Variants in ADAM20 observed in about 807,000 individuals in gnomAD.
The protein encoded by ADAM20 is disintegrin and metalloproteinase domain-containing protein 20.
For missense variants in ADAM20, 871 were observed against 883.2 expected (o/e 0.99, Z 0.18); for synonymous variants, 305 against 310.2 (o/e 0.98, Z 0.18).
At chr14:70,530,531 T>C (rs1296658761) in intron 1 of ADAM20, among the ~76,000 whole-genome samples, 1 of 152,234 alleles carries the variant, frequency 6.6e-6, no homozygotes, top group Non-Finnish European at 1.5e-5. Flanking sequence ...TTTTATATGA[T>C]TGGTAATGCA....
the ADAM20 span, among the ~76,000 whole-genome samples, chr14:70,574,167 C>A: frequency 6.6e-6 from 1 of 151,972 alleles, no homozygotes; most frequent in Non-Finnish European, 1.5e-5. Context: ...TTATATGAAA[C>A]TAGAAATCAA....
chr14:70,560,055 A>C, the ADAM20 span, among the ~76,000 whole-genome samples: 1 of 152,184 alleles, frequency 6.6e-6, no homozygotes, highest in Non-Finnish European at 1.5e-5. Flanking sequence ...CATTCTCAAA[A>C]TATGTTTTCA....
At chr14:70,560,458 A>G in the ADAM20 span, among the ~76,000 whole-genome samples, 3 of 152,228 alleles carry the variant, frequency 2.0e-5, no homozygotes, top group Non-Finnish European at 4.4e-5. Context: ...CTTATTCACA[A>G]TATCAACTAA....
the ADAM20 span, among the ~76,000 whole-genome samples, chr14:70,554,685 AG>A: frequency 6.6e-6 from 1 of 152,244 alleles, no homozygotes; most frequent in Non-Finnish European, 1.5e-5. Flanking sequence ...ATCTCTTATA[AG>A]TGGAATCTAA....
At chr14:70,529,944 A>G (rs933498734) in intron 1 of ADAM20, among the ~76,000 whole-genome samples, 2 of 152,204 alleles carry the variant, frequency 1.3e-5, no homozygotes, top group African/African-American at 4.8e-5. Context: ...GTTTTGTAAT[A>G]ACACTTAGCT....
chr14:70,559,593 A>G, the ADAM20 span, among the ~76,000 whole-genome samples: 1 of 152,236 alleles, frequency 6.6e-6, no homozygotes, highest in Non-Finnish European at 1.5e-5. Flanking sequence ...TCTTATTCAT[A>G]GTAAAAGTCT....
the ADAM20 span, among the ~76,000 whole-genome samples, chr14:70,558,755 T>G: frequency 6.6e-6 from 1 of 152,106 alleles, no homozygotes; most frequent in Non-Finnish European, 1.5e-5. Context: ...GGAAAAACAT[T>G]TGCCAAATAA....
chr14:70,544,054 G>A, the ADAM20 span, among the ~76,000 whole-genome samples: 4 of 151,608 alleles, frequency 2.6e-5, no homozygotes, highest in Middle Eastern at 3.4e-3. Flanking sequence ...CGCCAGCCCC[G>A]AGATAACCTC....
chr14:70,557,627 T>C, the ADAM20 span: 1 of 152,270 alleles, frequency 6.6e-6, no homozygotes, highest in Non-Finnish European at 1.5e-5. Context: ...AAAGAGAAGA[T>C]AGTGCATGAT....
the ADAM20 span, chr14:70,556,993 G>C: frequency 6.6e-6 from 1 of 152,288 alleles, no homozygotes; most frequent in African/African-American, 2.4e-5. Flanking sequence ...CAGACAGCAA[G>C]GAATGCCTCT....
chr14:70,559,969 T>C, the ADAM20 span, among the ~76,000 whole-genome samples: 1 of 152,208 alleles, frequency 6.6e-6, no homozygotes, highest in Non-Finnish European at 1.5e-5. Flanking sequence ...ATAATAATTA[T>C]TATGTTATTG....
At chr14:70,560,246 G>T in the ADAM20 span, among the ~76,000 whole-genome samples, 1 of 152,042 alleles carries the variant, frequency 6.6e-6, no homozygotes, top group East Asian at 1.9e-4. Flanking sequence ...AAAGGAAATA[G>T]AAATAAAAAC....
the ADAM20 span, among the ~76,000 whole-genome samples, chr14:70,569,957 A>G: frequency 6.6e-6 from 1 of 151,552 alleles, no homozygotes; most frequent in East Asian, 1.9e-4. Context: ...AGTACCTAAT[A>G]GACATCTACA....
At chr14:70,535,539 T>C (rs1883814990), upstream of ADAM20, among the ~76,000 whole-genome samples, 1 of 152,196 alleles carries the variant, frequency 6.6e-6, no homozygotes, top group African/African-American at 2.4e-5. Context: ...CTCTCCTGTC[T>C]GAGAAGTCTA....
chr14:70,546,006 CT>C, the ADAM20 span, among the ~76,000 whole-genome samples: 1 of 152,134 alleles, frequency 6.6e-6, no homozygotes, highest in South Asian at 2.1e-4. Context: ...CAAATATCTC[CT>C]CTGACAACAA....
upstream of ADAM20, among the ~76,000 whole-genome samples, chr14:70,539,790 C>T (rs1033421067): frequency 6.6e-6 from 1 of 152,118 alleles, no homozygotes; most frequent in Non-Finnish European, 1.5e-5. Flanking sequence ...CCCCATGTGA[C>T]CATCTCACCT....
At chr14:70,534,487 C>CA (rs1166658479) in intron 1 of ADAM20, among the ~76,000 whole-genome samples, 1 of 151,826 alleles carries the variant, frequency 6.6e-6, no homozygotes, top group East Asian at 1.9e-4. Flanking sequence ...ACGCATGGCC[C>CA]AAAAAAGGAA....
upstream of ADAM20, among the ~76,000 whole-genome samples, chr14:70,538,795 C>T (rs1883887887): frequency 6.6e-6 from 1 of 152,130 alleles, no homozygotes; most frequent in Non-Finnish European, 1.5e-5. Flanking sequence ...TTTCCTAGCC[C>T]TGTTTTGTTT....
intron 1 of ADAM20, among the ~76,000 whole-genome samples, chr14:70,532,380 CA>C (rs1883731652): frequency 6.6e-6 from 1 of 151,674 alleles, no homozygotes. Flanking sequence ...TAAAAAAACA[CA>C]CACGAGAAAA....
Sources: allele counts gnomAD v4.1 joint callset (sites outside exome capture counted in the v4.1 genomes callset), GRCh38; gene constraint gnomAD v4.1.1; transcripts MANE v1.5; gene names NCBI Gene and HGNC (gene_info 2026-07-23, HGNC 2026-07-21).